The following MYH16 variants were observed in gnomAD, a reference collection of about 807,000 sequenced individuals.
MYH16 encodes putative uncharacterized protein MYH16.
intron 6 of MYH16, among the ~76,000 whole-genome samples, chr7:99,252,211 G>T (rs1791816754): frequency 6.6e-6 from 1 of 152,068 alleles, no homozygotes; most frequent in African/African-American, 2.4e-5. Flanking sequence ...CTGTCTGGCG[G>T]GAGCTGTAGT....
chr7:99,291,946 G>GAA (rs942821164), intron 31 of MYH16, among the ~76,000 whole-genome samples: 1 of 148,312 alleles, frequency 6.7e-6, no homozygotes, highest in Non-Finnish European at 1.5e-5. Context: ...TCGGTCTCAG[G>GAA]AAAAAAAAAA....
At chr7:99,300,590 G>A (rs1015398049) in intron 37 of MYH16, among the ~76,000 whole-genome samples, 2 of 152,104 alleles carry the variant, frequency 1.3e-5, no homozygotes, top group South Asian at 4.1e-4. Context: ...ATTGCTTGAC[G>A]CCAGGCTTGA....
chr7:99,309,116 A>G (rs1398287301), downstream of MYH16, among the ~76,000 whole-genome samples: 1 of 152,158 alleles, frequency 6.6e-6, no homozygotes, highest in Non-Finnish European at 1.5e-5. Context: ...GTTATCTTTT[A>G]TTTGAAGTTA....
intron 10 of MYH16, among the ~76,000 whole-genome samples, chr7:99,257,685 T>TG (rs1791887577): frequency 6.6e-6 from 1 of 152,230 alleles, no homozygotes; most frequent in Admixed American, 6.5e-5. Context: ...GTTGCCTAGG[T>TG]GGGAGCGCAG....
At chr7:99,248,746 C>T (rs1791768713) in intron 3 of MYH16, among the ~76,000 whole-genome samples, 1 of 152,170 alleles carries the variant, frequency 6.6e-6, no homozygotes, top group Admixed American at 6.5e-5. Flanking sequence ...TTTATGGCCA[C>T]TCTGGGCTGG....
At chr7:99,239,076 C>G (rs562406300) in intron 1 of MYH16, 58 of 152,774 alleles carry the variant, frequency 3.8e-4, no homozygotes, top group East Asian at 2.1e-3. Flanking sequence ...AACCAAGTGG[C>G]AGGCACCCAG....
chr7:99,271,145 G>T (rs1008848077), intron 19 of MYH16: 4 of 152,650 alleles, frequency 2.6e-5, no homozygotes, highest in African/African-American at 7.2e-5. Flanking sequence ...CACGCACTCA[G>T]GGCCAGCTCC....
chr7:99,273,727 C>T (rs1401547378), intron 20 of MYH16, among the ~76,000 whole-genome samples: 2 of 146,496 alleles, frequency 1.4e-5, no homozygotes, highest in Non-Finnish European at 3.0e-5. Flanking sequence ...GACCCCATTT[C>T]AAAAGAAAAG....
At chr7:99,269,793 A>G (rs116287509) in intron 18 of MYH16, among the ~76,000 whole-genome samples, 1 of 150,212 alleles carries the variant, frequency 6.7e-6, no homozygotes, top group African/African-American at 2.5e-5. Flanking sequence ...ATCCTTGCTC[A>G]TGGTCCTGTG....
chr7:99,256,508 C>T (rs1415669331), intron 9 of MYH16, among the ~76,000 whole-genome samples: 2 of 151,676 alleles, frequency 1.3e-5, no homozygotes, highest in Non-Finnish European at 2.9e-5. Context: ...GCATGGTAGC[C>T]CACAGCTGTA....
intron 5 of MYH16, chr7:99,250,107 G>C (rs541845345): frequency 6.6e-6 from 1 of 152,664 alleles, no homozygotes; most frequent in Non-Finnish European, 1.5e-5. Flanking sequence ...CATATTTCCC[G>C]TCTTCAGGCT....
At chr7:99,265,746 G>C (rs1791980740) in intron 17 of MYH16, 1 of 152,800 alleles carries the variant, frequency 6.5e-6, no homozygotes, top group Non-Finnish European at 1.5e-5. Context: ...CAGCTGATAA[G>C]TCACATCCCA....
At chr7:99,239,706 A>T (rs531722330) in intron 1 of MYH16, among the ~76,000 whole-genome samples, 3 of 152,358 alleles carry the variant, frequency 2.0e-5, no homozygotes, top group Admixed American at 2.0e-4. Flanking sequence ...TTTTACAGCC[A>T]GTTGTTAAAC....
At chr7:99,289,134 G>C (rs1055412094) in intron 29 of MYH16, among the ~76,000 whole-genome samples, 153 bp from the exon 11 acceptor site, 3 of 150,660 alleles carry the variant, frequency 2.0e-5, no homozygotes, top group Non-Finnish European at 4.4e-5. Flanking sequence ...AAAAAATGGT[G>C]AGCCATTTGG....
chr7:99,293,664 C>T (rs960374052), intron 32 of MYH16, among the ~76,000 whole-genome samples: 1 of 152,188 alleles, frequency 6.6e-6, no homozygotes, highest in Non-Finnish European at 1.5e-5. Context: ...CTTCCTGGCT[C>T]TATTTGTCAC....
chr7:99,299,927 T>TTTTATTTTATTTA lies in MYH16; in HGVS notation n.4933+276_4933+277insTATTTATTTATTT, dbSNP rs1405217065. ...TGGGCCCGTCTAGATTTTTATTTTA[T>TTTTATTTTATTTA]TTTATTTATTTATTTATTTATTTAT... On this transcript the variant is annotated intron_variant and non_coding_transcript_variant, in intron 37 of 41. Transcript: ENST00000439784. Among the ~76,000 whole-genome samples, 567 of 138,210 alleles carry TTTTATTTTATTTA rather than the reference T, an allele frequency of 4.1e-3. 4 individuals are homozygous for TTTTATTTTATTTA. Among genetic ancestry groups the TTTTATTTTATTTA allele is most frequent in the African/African-American group, 0.015 (531 of 36,528 alleles). The allele number at this position is 138,210 out of a possible 152,430, so 90.7% of individuals were successfully genotyped here. A position where few individuals can be genotyped will look rare whatever the true frequency, so the allele number is the denominator to read the frequency against.
intron 6 of MYH16, among the ~76,000 whole-genome samples, chr7:99,251,828 C>T (rs940850229): frequency 2.0e-5 from 3 of 152,108 alleles, no homozygotes; most frequent in Middle Eastern, 3.4e-3. Flanking sequence ...TAAAAATTAG[C>T]CGGGCATGGC....
chr7:99,248,951 C>G (rs536163433), intron 3 of MYH16: 16 of 152,766 alleles, frequency 1.0e-4, no homozygotes, highest in African/African-American at 3.6e-4. Context: ...TCTAAATGTT[C>G]CTAATTACAC....
At chr7:99,283,358 A>G (rs539015122) in intron 23 of MYH16, among the ~76,000 whole-genome samples, 4 of 152,276 alleles carry the variant, frequency 2.6e-5, no homozygotes, top group Admixed American at 6.5e-5. Context: ...GGCTCAAGCA[A>G]TTGACCTCCC....
Sources: allele counts gnomAD v4.1 joint callset (sites outside exome capture counted in the v4.1 genomes callset), GRCh38; gene constraint gnomAD v4.1.1; transcripts MANE v1.5; gene names NCBI Gene and HGNC (gene_info 2026-07-23, HGNC 2026-07-21).